Variants in CACNA2D3 observed in about 807,000 individuals in gnomAD.
The protein encoded by CACNA2D3 is calcium voltage-gated channel auxiliary subunit alpha2delta 3, also known as voltage-dependent calcium channel subunit alpha-2/delta-3.
CACNA2D3 carries 60 observed loss-of-function variants against 160.6 expected under a neutral mutation model. The observed-to-expected ratio is 0.37, with a 90% CI of 0.30 to 0.46. The LOEUF (loss-of-function observed/expected upper bound fraction) is 0.46. CACNA2D3 is among the 20% of genes least tolerant of loss of function. CACNA2D3 has a pLI of 1.00. For synonymous variants in CACNA2D3, 558 were observed against 492.9 expected (o/e 1.13, Z -1.75); for missense variants, 1,205 against 1,365.0 (o/e 0.88, Z 1.85).
intron 5 of CACNA2D3, among the ~76,000 whole-genome samples, 160 bp downstream of exon 5, chr3:54,503,814 T>C (rs1701328820): frequency 6.6e-6 from 1 of 152,184 alleles, no homozygotes; most frequent in African/African-American, 2.4e-5. Context: ...AGGTGAAGCA[T>C]GTACCTGTTC....
chr3:54,632,526 GGCT>G (rs1318770255), intron 10 of CACNA2D3: 1 of 152,208 alleles, frequency 6.6e-6, no homozygotes, highest in Non-Finnish European at 1.5e-5. Context: ...CAGGGTACAA[GGCT>G]GTTTTTTCTT....
chr3:55,043,176 T>C (rs971546709), intron 35 of CACNA2D3, among the ~76,000 whole-genome samples: 3 of 152,138 alleles, frequency 2.0e-5, no homozygotes, highest in Admixed American at 6.6e-5. Context: ...TAGAAGAAAG[T>C]AACCTCCAAA....
At chr3:54,822,110 T>C (rs1228792978) in intron 14 of CACNA2D3, among the ~76,000 whole-genome samples, 1 of 152,212 alleles carries the variant, frequency 6.6e-6, no homozygotes, top group Non-Finnish European at 1.5e-5. Flanking sequence ...TTACATCTTG[T>C]TTTGAAAACC....
chr3:54,864,663 G>A (rs892461695), intron 17 of CACNA2D3, among the ~76,000 whole-genome samples: 42 of 152,152 alleles, frequency 2.8e-4, no homozygotes, highest in Non-Finnish European at 1.6e-4. Context: ...AGACAAGACC[G>A]GCTAGTGGGA....
chr3:54,811,304 A>G (rs138648159), intron 13 of CACNA2D3, among the ~76,000 whole-genome samples: 1 of 151,874 alleles, frequency 6.6e-6, no homozygotes, highest in Non-Finnish European at 1.5e-5. Context: ...AGTAAATGGC[A>G]GCTCTGTTTT....
intron 13 of CACNA2D3, among the ~76,000 whole-genome samples, chr3:54,791,248 A>G (rs1399551022): frequency 1.3e-5 from 2 of 152,238 alleles, no homozygotes; most frequent in African/African-American, 2.4e-5. Flanking sequence ...ACTGATACAG[A>G]TGTGGGTTAC....
intron 9 of CACNA2D3, among the ~76,000 whole-genome samples, chr3:54,588,154 C>T (rs370333610): frequency 6.6e-6 from 1 of 152,196 alleles, no homozygotes; most frequent in East Asian, 1.9e-4. Flanking sequence ...GCCAATGTAA[C>T]ATCCATGTCA....
chr3:54,685,366 A>G (rs1010947516), intron 11 of CACNA2D3, among the ~76,000 whole-genome samples: 1 of 152,248 alleles, frequency 6.6e-6, no homozygotes, highest in Non-Finnish European at 1.5e-5. Flanking sequence ...TAAAGCAGTC[A>G]TAGACAACAT....
At chr3:54,286,456 G>A (rs917776845) in intron 2 of CACNA2D3, among the ~76,000 whole-genome samples, 5 of 152,224 alleles carry the variant, frequency 3.3e-5, no homozygotes, top group Non-Finnish European at 5.9e-5. Context: ...CGTCTGAATG[G>A]TGTACCTGAT....
At chr3:54,261,823 T>G (rs1702405457) in intron 2 of CACNA2D3, among the ~76,000 whole-genome samples, 3 of 152,182 alleles carry the variant, frequency 2.0e-5, no homozygotes. Flanking sequence ...AGTTATACTT[T>G]GAAGGACAAT....
At chr3:55,029,761 G>A (rs1703650394) in intron 35 of CACNA2D3, among the ~76,000 whole-genome samples, 2 of 152,168 alleles carry the variant, frequency 1.3e-5, no homozygotes, top group Admixed American at 6.5e-5. Context: ...GAGTACATTA[G>A]TGTCATGAAT....
intron 35 of CACNA2D3, among the ~76,000 whole-genome samples, chr3:55,025,504 C>T (rs373533791): frequency 2.0e-5 from 3 of 151,946 alleles, no homozygotes; most frequent in South Asian, 4.2e-4. Context: ...GGGTGGTATG[C>T]GCCTGTGATC....
intron 27 of CACNA2D3, among the ~76,000 whole-genome samples, chr3:54,961,341 T>G (rs1702025515): frequency 6.6e-6 from 1 of 152,232 alleles, no homozygotes; most frequent in African/African-American, 2.4e-5. Context: ...TGAGCATTTA[T>G]CTGTACAATT....
At chr3:54,366,979 A>C (rs1406048271) in intron 3 of CACNA2D3, among the ~76,000 whole-genome samples, 2 of 152,246 alleles carry the variant, frequency 1.3e-5, no homozygotes, top group Non-Finnish European at 1.5e-5. Context: ...AGGGAGACTA[A>C]GCAAACACAT....
At chr3:54,694,034 A>G (rs1457622519) in intron 11 of CACNA2D3, among the ~76,000 whole-genome samples, 1 of 152,226 alleles carries the variant, frequency 6.6e-6, no homozygotes, top group Non-Finnish European at 1.5e-5. Flanking sequence ...TAAAGTGTAC[A>G]GGAATATCCT....
At chr3:54,166,944 T>G (rs2107305186) in intron 2 of CACNA2D3, among the ~76,000 whole-genome samples, 1 of 152,306 alleles carries the variant, frequency 6.6e-6, no homozygotes, top group Admixed American at 6.5e-5. Flanking sequence ...GCGGGAAGAT[T>G]TTATGAGTTA....
chr3:54,933,101 CTTCCTTCCTTCCTTCT>C (rs1701242501), intron 27 of CACNA2D3, among the ~76,000 whole-genome samples: 1 of 91,760 alleles, frequency 1.1e-5, no homozygotes, highest in Non-Finnish European at 2.1e-5. Flanking sequence ...TCCTTCCTTC[CTTCCTTCCTTCCTTCT>C]TTCTGGACCT....
chr3:54,859,972 G>GCGCGCGCGCGCACACACA (rs535185040), intron 17 of CACNA2D3, among the ~76,000 whole-genome samples: 8 of 133,788 alleles, frequency 6.0e-5, no homozygotes, highest in African/African-American at 2.2e-4. Context: ...GAAAGTAGAT[G>GCGCGCGCGCGCACACACA]CACACACACA....
At chr3:54,462,553 C>G (rs1159901485) in intron 4 of CACNA2D3, among the ~76,000 whole-genome samples, 2 of 152,088 alleles carry the variant, frequency 1.3e-5, no homozygotes. Flanking sequence ...CTCTTTTGAT[C>G]TTTGTTGGTT....
Sources: gnomAD v4.1 joint callset for allele counts (sites outside exome capture counted in the v4.1 genomes callset) on GRCh38, gnomAD v4.1.1 for gene constraint, MANE v1.5 for transcripts, NCBI Gene and HGNC (gene_info 2026-07-23, HGNC 2026-07-21) for gene names.